KCNIP4: variants seen among roughly 807,000 people sequenced by gnomAD.
KCNIP4 encodes the protein Kv channel-interacting protein 4.
In KCNIP4, 12 loss-of-function variants were observed where a neutral mutation model predicts 34.0. The ratio of observed to expected loss-of-function variants is 0.35; its 90% confidence interval spans 0.23 to 0.57. The LOEUF (loss-of-function observed/expected upper bound fraction) is 0.57, where lower values mean the gene tolerates loss of function less well. Ranked by LOEUF, KCNIP4 falls within the 20% of genes least tolerant of loss-of-function variation. The probability of loss-of-function intolerance (pLI) is 0.83; values close to 1 mark genes in which losing one functional copy is unlikely to be tolerated. For synonymous variants in KCNIP4, 124 were observed against 102.2 expected, an observed-to-expected ratio of 1.21 and a Z score of -1.29; for missense variants, 238 against 311.7, an observed-to-expected ratio of 0.76 and a Z score of 1.78.
chr4:21,543,845 T>C (rs1737906332), intron 1 of KCNIP4, among the ~76,000 whole-genome samples: 3 of 152,156 alleles, frequency 2.0e-5, no homozygotes, highest in Admixed American at 2.0e-4. Flanking sequence ...TCCATCTTTC[T>C]TCTCTCACAC....
At chr4:21,758,095 C>G (rs184954493) in intron 1 of KCNIP4, among the ~76,000 whole-genome samples, 7 of 152,204 alleles carry the variant, frequency 4.6e-5, no homozygotes, top group African/African-American at 1.7e-4. Flanking sequence ...CACAGGAAAC[C>G]AGTCAATAAA....
chr4:21,190,343 A>G (rs73805059), intron 1 of KCNIP4, among the ~76,000 whole-genome samples: 3,180 of 152,190 alleles, frequency 0.021, 117 homozygotes, highest in African/African-American at 0.071. Flanking sequence ...GGTATTGGTT[A>G]GTATTCATTA....
chr4:21,895,022 CATTTTCCAG>C (rs1466292873), intron 1 of KCNIP4, among the ~76,000 whole-genome samples: 3 of 152,194 alleles, frequency 2.0e-5, no homozygotes, highest in Non-Finnish European at 1.5e-5. Context: ...TTTGTTCCCT[CATTTTCCAG>C]GTGAGTTGGG....
intron 3 of KCNIP4, among the ~76,000 whole-genome samples, chr4:20,835,256 T>G (rs1458448200): frequency 6.6e-6 from 1 of 152,140 alleles, no homozygotes; most frequent in Non-Finnish European, 1.5e-5. Flanking sequence ...CTCTTCCAGC[T>G]TTACTGATCC....
At chr4:20,775,046 T>C (rs1756256567) in intron 3 of KCNIP4, among the ~76,000 whole-genome samples, 1 of 152,208 alleles carries the variant, frequency 6.6e-6, no homozygotes. Context: ...TTACCTCTGG[T>C]TTATTATTTA....
intron 2 of KCNIP4, among the ~76,000 whole-genome samples, chr4:20,878,841 T>C (rs1724364730): frequency 6.6e-6 from 1 of 152,012 alleles, no homozygotes; most frequent in Non-Finnish European, 1.5e-5. Flanking sequence ...GAAGAGATCA[T>C]AAAAGTCTGA....
chr4:21,379,749 C>T (rs552007177), intron 1 of KCNIP4, among the ~76,000 whole-genome samples: 211 of 152,268 alleles, frequency 1.4e-3, no homozygotes, highest in East Asian at 0.013. Flanking sequence ...CCCGCCATAA[C>T]TGTTTTTCTA....
Position 21,277,234 on chromosome 4 carries a change from C to T in KCNIP4, c.62-394525G>A, listed in dbSNP as rs528140733. 3.3e-5 allele frequency among the ~76,000 whole-genome samples: 5 copies of T among 152,198 alleles called. No individual in the cohort carries two copies. In the South Asian group the frequency reaches 1.0e-3, roughly 32 times the overall value. The stretch of plus-strand genomic sequence containing the variant: ...CTAGATTTTTCAACTCATCAGCCTA[C>T]AGTGAAAGTCACCAATAAACAAGGT... On this transcript the variant is annotated intron_variant, in intron 1 of 8. Transcript: ENST00000382152.
At chr4:20,913,253 A>G (rs554890164) in intron 1 of KCNIP4, among the ~76,000 whole-genome samples, 2 of 152,128 alleles carry the variant, frequency 1.3e-5, no homozygotes, top group Non-Finnish European at 2.9e-5. Context: ...AAAATAAAAA[A>G]TAAAATAAAA....
chr4:21,393,912 A>C (rs1035710499), intron 1 of KCNIP4, among the ~76,000 whole-genome samples: 5 of 152,176 alleles, frequency 3.3e-5, no homozygotes, highest in Admixed American at 2.0e-4. Flanking sequence ...GAATATGCAG[A>C]ATCTGTATAA....
At chr4:21,125,188 C>CTTATTTTATTTTGTT (rs1750509850) in intron 1 of KCNIP4, among the ~76,000 whole-genome samples, 2 of 119,030 alleles carry the variant, frequency 1.7e-5, no homozygotes, top group African/African-American at 6.4e-5. Flanking sequence ...TTTATTTTGT[C>CTTATTTTATTTTGTT]TTATTTTATT....
At chr4:21,231,441 A>C (rs1758780891) in intron 1 of KCNIP4, among the ~76,000 whole-genome samples, 1 of 152,274 alleles carries the variant, frequency 6.6e-6, no homozygotes, top group East Asian at 1.9e-4. Flanking sequence ...CATATTGCTT[A>C]ACTGAATGAG....
chr4:21,479,527 G>A (rs950204202), intron 1 of KCNIP4, among the ~76,000 whole-genome samples: 4 of 152,120 alleles, frequency 2.6e-5, no homozygotes, highest in Admixed American at 1.3e-4. Context: ...GCTTCAAGAA[G>A]AAAGATAGTG....
At chr4:21,047,987 A>G (rs755184017) in intron 1 of KCNIP4, among the ~76,000 whole-genome samples, 6 of 152,190 alleles carry the variant, frequency 3.9e-5, no homozygotes, top group Non-Finnish European at 8.8e-5. Context: ...TATGGTGGGA[A>G]AAACAACTGG....
intron 1 of KCNIP4, among the ~76,000 whole-genome samples, chr4:21,205,308 T>C (rs527810601): frequency 2.0e-4 from 31 of 152,324 alleles, no homozygotes; most frequent in Middle Eastern, 3.4e-3. Context: ...TTTTTCCTCT[T>C]TTACAAAAAT....
intron 1 of KCNIP4, among the ~76,000 whole-genome samples, chr4:21,499,204 G>T (rs1299054837): frequency 6.6e-6 from 1 of 151,614 alleles, no homozygotes; most frequent in Non-Finnish European, 1.5e-5. Context: ...GGTGGCATGC[G>T]CCTGTAATCC....
At chr4:21,195,160 C>G (rs1273638650) in intron 1 of KCNIP4, among the ~76,000 whole-genome samples, 1 of 152,182 alleles carries the variant, frequency 6.6e-6, no homozygotes, top group Non-Finnish European at 1.5e-5. Context: ...CCCTCAAGGT[C>G]ATTGATGAGG....
At chr4:21,493,824 ATAGGGT>A (rs1732619392) in intron 1 of KCNIP4, among the ~76,000 whole-genome samples, 1 of 152,190 alleles carries the variant, frequency 6.6e-6, no homozygotes, top group Non-Finnish European at 1.5e-5. Context: ...CTTCTCTTTA[ATAGGGT>A]GAATGGGAGT....
At chr4:21,075,773 G>T (rs1271857468) in intron 1 of KCNIP4, among the ~76,000 whole-genome samples, 1 of 152,154 alleles carries the variant, frequency 6.6e-6, no homozygotes, top group Non-Finnish European at 1.5e-5. Flanking sequence ...TGCAGTGGCT[G>T]GTACAAGTTG....
Sources: gnomAD v4.1 joint callset for allele counts (sites outside exome capture counted in the v4.1 genomes callset) on GRCh38, gnomAD v4.1.1 for gene constraint, MANE v1.5 for transcripts, NCBI Gene and HGNC (gene_info 2026-07-23, HGNC 2026-07-21) for gene names.